DPP10: variants seen among roughly 807,000 people sequenced by gnomAD.
DPP10 encodes inactive dipeptidyl peptidase 10.
Under a neutral mutation model 120.9 loss-of-function variants are expected in DPP10, and 33 were observed. The observed-to-expected ratio is 0.27, with a 90% CI of 0.21 to 0.37. The LOEUF is 0.37. Ranked by LOEUF, DPP10 falls within the 10% of genes least tolerant of loss-of-function variation. The probability of loss-of-function intolerance (pLI) is 1.00; values close to 1 mark genes in which losing one functional copy is unlikely to be tolerated. For synonymous variants in DPP10, 337 were observed against 326.1 expected, an observed-to-expected ratio of 1.03 and a Z score of -0.36; for missense variants, 816 against 942.8, an observed-to-expected ratio of 0.87 and a Z score of 1.76.
At chr2:115,509,045 G>A (rs2077091732) in intron 4 of DPP10, among the ~76,000 whole-genome samples, 2 of 152,142 alleles carry the variant, frequency 1.3e-5, no homozygotes, top group African/African-American at 4.8e-5. Flanking sequence ...CACAAGGAAG[G>A]GGGAAACAGG....
chr2:115,363,465 C>A (rs1323551580), intron 3 of DPP10, among the ~76,000 whole-genome samples: 2 of 152,114 alleles, frequency 1.3e-5, no homozygotes, highest in African/African-American at 4.8e-5. Flanking sequence ...TTCTCTAAGG[C>A]CCAACCAACC....
Position 114,697,630 on chromosome 2 carries a change from A to T in DPP10, c.60+254792A>T, listed in dbSNP as rs144476220. On this transcript the variant is annotated intron_variant, in intron 1 of 25. Transcript: ENST00000410059. Reference sequence around the variant, plus strand: ...CCAGGCATGGTGGCAGGCACTTGTAATCCCAGCTACTTGAGAGGCTAAGGC... The same window carrying T: ...CCAGGCATGGTGGCAGGCACTTGTATTCCCAGCTACTTGAGAGGCTAAGGC... 4.3e-3 allele frequency among the ~76,000 whole-genome samples: 657 copies of T among 151,872 alleles called. 5 individuals carry two copies. Among genetic ancestry groups the T allele is most frequent in the African/African-American group, 0.015 (634 of 41,392 alleles).
chr2:115,412,954 T>G (rs1175414906), intron 3 of DPP10, among the ~76,000 whole-genome samples: 1 of 152,212 alleles, frequency 6.6e-6, no homozygotes, highest in Non-Finnish European at 1.5e-5. Flanking sequence ...TATTTGTGTT[T>G]ATATATTTGT....
At chr2:115,554,640 G>C (rs2080097518) in intron 5 of DPP10, among the ~76,000 whole-genome samples, 1 of 152,002 alleles carries the variant, frequency 6.6e-6, no homozygotes, top group Non-Finnish European at 1.5e-5. Context: ...TGGTTGCTCA[G>C]GAATCCTTCC....
At chr2:115,674,353 A>T (rs574170884) in intron 5 of DPP10, among the ~76,000 whole-genome samples, 1 of 152,232 alleles carries the variant, frequency 6.6e-6, no homozygotes, top group Non-Finnish European at 1.5e-5. Flanking sequence ...TGGGCACAGA[A>T]ATAAAGAAAA....
intron 1 of DPP10, among the ~76,000 whole-genome samples, chr2:114,932,063 A>T (rs755623970): frequency 6.6e-6 from 1 of 152,194 alleles, no homozygotes; most frequent in Non-Finnish European, 1.5e-5. Flanking sequence ...GGCAAATTCT[A>T]TTAAACAATT....
intron 5 of DPP10, among the ~76,000 whole-genome samples, chr2:115,585,657 A>G (rs1374914301): frequency 6.6e-6 from 1 of 152,196 alleles, no homozygotes; most frequent in Admixed American, 6.5e-5. Context: ...GAGCTTTTCT[A>G]TAATCCATTG....
chr2:114,932,457 G>A lies in DPP10; in HGVS notation c.61-376782G>A, dbSNP rs184855786. Among the ~76,000 whole-genome samples, 431 of 152,274 alleles carry A rather than the reference G, an allele frequency of 2.8e-3. 3 individuals are homozygous for A. The highest frequency in any genetic ancestry group is 2.7e-3 in the Non-Finnish European group (184 of 68,026). ...AATAAATTGTGGTACTTAGAACATG[G>A]CACAACCCTAAAAAGAACAAATTTT... is the stretch of plus-strand genomic sequence containing the variant. On this transcript the variant is annotated intron_variant, in intron 1 of 25. Coordinates refer to ENST00000410059, the MANE Select transcript of DPP10 (RefSeq NM_020868.6).
intron 1 of DPP10, among the ~76,000 whole-genome samples, chr2:114,682,905 T>A (rs1393570029): frequency 6.6e-6 from 1 of 151,860 alleles, no homozygotes; most frequent in East Asian, 1.9e-4. Context: ...ATGTAAATAG[T>A]ACACCCTACC....
intron 13 of DPP10, among the ~76,000 whole-genome samples, chr2:115,776,190 T>C (rs2149842707): frequency 6.6e-6 from 1 of 152,230 alleles, no homozygotes; most frequent in Non-Finnish European, 1.5e-5. Flanking sequence ...CTGGGGTACA[T>C]GTGCAGAAGG....
chr2:114,783,073 C>A (rs17730230), intron 1 of DPP10, among the ~76,000 whole-genome samples: 4,036 of 152,014 alleles, frequency 0.027, 106 homozygotes, highest in South Asian at 0.092. Flanking sequence ...TATCTCTGAA[C>A]AAAGTCATTA....
intron 3 of DPP10, among the ~76,000 whole-genome samples, chr2:115,426,039 CCGACACTGGAGATGACATTT>C (rs1360418482): frequency 2.6e-5 from 4 of 152,120 alleles, no homozygotes; most frequent in Middle Eastern, 3.4e-3. Context: ...GGTGCCACCT[CCGACACTGGAGATGACATTT>C]CAACATGAGA....
intron 1 of DPP10, among the ~76,000 whole-genome samples, chr2:114,752,524 T>C (rs1210491677): frequency 6.6e-6 from 1 of 152,208 alleles, no homozygotes; most frequent in Non-Finnish European, 1.5e-5. Flanking sequence ...CTCCTGCCTA[T>C]AGCTGTACAG....
At chr2:114,586,126 C>T (rs933832800) in intron 1 of DPP10, among the ~76,000 whole-genome samples, 2 of 152,168 alleles carry the variant, frequency 1.3e-5, no homozygotes, top group Admixed American at 6.5e-5. Context: ...TGGTGAGCAC[C>T]TGTAGTCCCA....
chr2:114,724,194 C>T (rs1195918739), intron 1 of DPP10, among the ~76,000 whole-genome samples: 1 of 152,168 alleles, frequency 6.6e-6, no homozygotes, highest in Non-Finnish European at 1.5e-5. Context: ...TCTTACTTCC[C>T]CTCTATGCTA....
chr2:115,650,047 G>A (rs935755069), intron 5 of DPP10, among the ~76,000 whole-genome samples: 1 of 152,078 alleles, frequency 6.6e-6, no homozygotes, highest in South Asian at 2.1e-4. Flanking sequence ...GAAAAATAGG[G>A]AACAGCATTT....
chr2:115,819,060 T>C (rs1355917304), intron 21 of DPP10, among the ~76,000 whole-genome samples: 1 of 152,198 alleles, frequency 6.6e-6, no homozygotes, highest in Non-Finnish European at 1.5e-5. Flanking sequence ...TGATTTCAGA[T>C]TCAAATTAGG....
intron 4 of DPP10, among the ~76,000 whole-genome samples, chr2:115,519,511 A>G (rs1006488501): frequency 6.6e-6 from 1 of 152,162 alleles, no homozygotes; most frequent in Non-Finnish European, 1.5e-5. Flanking sequence ...ATCATAATTA[A>G]TTAGTCAGCT....
intron 1 of DPP10, among the ~76,000 whole-genome samples, chr2:114,865,632 A>G (rs1048648498): frequency 6.6e-6 from 1 of 152,136 alleles, no homozygotes; most frequent in Non-Finnish European, 1.5e-5. Context: ...CCAAATAGCG[A>G]TTCTATTTGG....
Sources: allele counts gnomAD v4.1 joint callset (sites outside exome capture counted in the v4.1 genomes callset), GRCh38; gene constraint gnomAD v4.1.1; transcripts MANE v1.5; gene names NCBI Gene and HGNC (gene_info 2026-07-23, HGNC 2026-07-21).